PCDHGB2: variants seen among roughly 807,000 people sequenced by gnomAD.
The protein encoded by PCDHGB2 is protocadherin gamma-B2.
In PCDHGB2, 55 loss-of-function variants were observed where a neutral mutation model predicts 59.3. That is an observed-to-expected ratio of 0.93 (90% confidence interval 0.75 to 1.16). The LOEUF is 1.16. Among genes scored for constraint, PCDHGB2 ranks in the 50% most tolerant of loss-of-function variants. The pLI is 0.00. For synonymous variants in PCDHGB2, 516 were observed against 512.0 expected, an observed-to-expected ratio of 1.01 and a Z score of -0.11; for missense variants, 1,228 against 1,198.5, an observed-to-expected ratio of 1.02 and a Z score of -0.36.
chr5:141,365,142 A>T (rs1168867612), intron 1 of PCDHGB2: 2 of 1,613,832 alleles, frequency 1.2e-6, no homozygotes, highest in Non-Finnish European at 1.7e-6. Flanking sequence ...GATCCAGATG[A>T]GGGAATAAAC....
intron 1 of PCDHGB2, chr5:141,371,702 GACC>G (rs768822916): frequency 1.1e-5 from 18 of 1,613,922 alleles, no homozygotes; most frequent in Non-Finnish European, 1.7e-6. Context: ...CCTCCAGCAA[GACC>G]ATCACTCTGC....
intron 2 of PCDHGB2, among the ~76,000 whole-genome samples, chr5:141,499,983 C>T (rs765029745): frequency 5.3e-5 from 8 of 151,352 alleles, no homozygotes; most frequent in African/African-American, 9.7e-5. Context: ...CCACCTTGCC[C>T]GGCCAGATGA....
chr5:141,511,728 A>C lies in PCDHGB2; in HGVS notation c.*555A>C, dbSNP rs904031366. 2.2e-5 allele frequency: 4 copies of C among 177,940 alleles called. No homozygotes were observed. The highest frequency in any genetic ancestry group is 7.0e-5 in the African/African-American group (3 of 42,626). 11.0% of individuals were successfully genotyped at this position (177,940 alleles called of 1,614,324 possible). ...TCACCTCCTTCCAGAGCCCAAGATC[A>C]ATGCTCAAGTTTTGGAGGACATGAT... On this transcript the variant is annotated 3_prime_UTR_variant, in exon 4 of 4. Coordinates refer to ENST00000522605, the MANE Select transcript of PCDHGB2 (RefSeq NM_018923.3).
intron 1 of PCDHGB2, chr5:141,370,655 C>A: frequency 6.2e-7 from 1 of 1,613,826 alleles, no homozygotes; most frequent in Non-Finnish European, 8.5e-7. Context: ...TACTTGTGAG[C>A]GACCGTATAG....
intron 1 of PCDHGB2, among the ~76,000 whole-genome samples, chr5:141,397,091 A>G (rs1162135708): frequency 1.3e-5 from 2 of 152,264 alleles, no homozygotes; most frequent in Non-Finnish European, 2.9e-5. Flanking sequence ...CATTTCAGAT[A>G]GGATAATAAT....
At chr5:141,437,896 C>T (rs943440712) in intron 1 of PCDHGB2, among the ~76,000 whole-genome samples, 2 of 152,128 alleles carry the variant, frequency 1.3e-5, no homozygotes, top group African/African-American at 4.8e-5. Flanking sequence ...CGCCACCACA[C>T]CCAGCTAATT....
Position 141,510,968 on chromosome 5 carries a change from C to A in PCDHGB2, c.2591C>A (p.Thr864Asn). 1 of 1,614,150 alleles carries A rather than the reference C, an allele frequency of 6.2e-7. No individual in the cohort carries two copies. The highest frequency in any genetic ancestry group is 8.5e-7 in the Non-Finnish European group (1 of 1,180,014). The change falls in exon 4 of 4, where the codon ACC becomes AAC. Residue 864 changes from threonine (T) to asparagine (N), a missense_variant. Transcript: ENST00000522605. ...SASEAADGSS[T>N]LGGGAGTMGL... ...GCAGAAGCTGCTGATGGGAGCTCCA[C>A]CCTGGGAGGGGGTGCCGGCACCATG...
chr5:141,394,380 G>A (rs867131974), intron 1 of PCDHGB2: 2 of 1,614,196 alleles, frequency 1.2e-6, no homozygotes, highest in Non-Finnish European at 1.7e-6. Context: ...TTTCGACTAT[G>A]AGCAGATCCG....
chr5:141,375,944 C>G (rs1365248346), intron 1 of PCDHGB2: 6 of 1,613,500 alleles, frequency 3.7e-6, no homozygotes, highest in Non-Finnish European at 5.1e-6. Flanking sequence ...CTCAGTGGGC[C>G]TGCACACGGG....
intron 1 of PCDHGB2, among the ~76,000 whole-genome samples, chr5:141,494,034 A>T (rs1206242414): frequency 1.3e-5 from 2 of 152,162 alleles, no homozygotes; most frequent in Non-Finnish European, 2.9e-5. Flanking sequence ...CTGGAGACTT[A>T]GTTGGCCCTG....
chr5:141,374,354 G>C, intron 1 of PCDHGB2: 1 of 1,614,036 alleles, frequency 6.2e-7, no homozygotes, highest in East Asian at 2.2e-5. Context: ...GGGTAGGATA[G>C]ACCGCGAGGA....
intron 1 of PCDHGB2, chr5:141,427,050 G>A (rs974721070): frequency 4.4e-6 from 2 of 457,372 alleles, no homozygotes; most frequent in Non-Finnish European, 4.4e-6. Flanking sequence ...TGTGCCCCCA[G>A]GCACCTCTGT....
chr5:141,383,004 G>A, intron 1 of PCDHGB2: 1 of 1,613,698 alleles, frequency 6.2e-7, no homozygotes, highest in Non-Finnish European at 8.5e-7. Flanking sequence ...TCTACTCCGT[G>A]TCGGAGGAGA....
In PCDHGB2 at chr5:141,494,634, T is replaced by C. The variant is rs917243803; in HGVS notation, c.2422-173T>C. The C allele has an allele frequency of 1.1e-5, 10 of 889,216 alleles. No individual in the cohort carries two copies. In the African/African-American group the frequency reaches 1.8e-4, roughly 16 times the overall value. 55.1% of individuals were successfully genotyped at this position (889,216 alleles called of 1,614,324 possible). A position where few individuals can be genotyped will look rare whatever the true frequency, so the allele number is the denominator to read the frequency against. On this transcript the variant is annotated intron_variant, in intron 1 of 3. Coordinates refer to ENST00000522605, the MANE Select transcript of PCDHGB2 (RefSeq NM_018923.3). ...CTTGGTTTCTGGTACCTCAGACCTC[T>C]GAGACCTGAGGTGTATTTTGTCTTT...
Position 141,493,876 on chromosome 5 carries a change from G to T in PCDHGB2, c.2422-931G>T, listed in dbSNP as rs2099750541. 6.6e-6 allele frequency among the ~76,000 whole-genome samples: 1 copy of T among 152,194 alleles called. No homozygotes were observed. ...CAGCCCACCCCAGAACCAGTGAGGA[G>T]GTGGCTCTAGGAGTGCTCCATGAGA... On this transcript the variant is annotated intron_variant, in intron 1 of 3. Transcript: ENST00000522605. The surrounding 1 kb of genome is among the most constrained non-coding windows in gnomAD (Gnocchi z 4.3).
At chr5:141,453,319 G>T (rs2098762311) in intron 1 of PCDHGB2, among the ~76,000 whole-genome samples, 1 of 151,492 alleles carries the variant, frequency 6.6e-6, no homozygotes, top group Admixed American at 6.6e-5. Flanking sequence ...TTATTTTAGA[G>T]ATGGGGTCTC....
In PCDHGB2 at chr5:141,362,348, G is replaced by A. The variant is rs761668802; in HGVS notation, c.2213G>A (p.Gly738Glu). The A allele has an allele frequency of 1.1e-5, 18 of 1,613,904 alleles. No individual in the cohort carries two copies. Among genetic ancestry groups the A allele is most frequent in the Admixed American group, 1.7e-5 (1 of 60,006 alleles). ...GGTCTCAGCTCCAAGCCTGGACCTG[G>A]GGTTCTCCCCAATTACAGTGAGGGT... is the stretch of plus-strand genomic sequence containing the variant. ...QPGLSSKPGP[G>E]VLPNYSEGTL... is the part of the protein sequence containing the mutation. The change falls in exon 1 of 4, where the codon GGG becomes GAG. Residue 738 changes from glycine to glutamate, a missense_variant. Gly to Glu is a moderately conservative substitution (Grantham distance 98, BLOSUM62 -2). Transcript: ENST00000522605.
intron 3 of PCDHGB2, among the ~76,000 whole-genome samples, chr5:141,507,571 G>A (rs2099861692): frequency 6.6e-6 from 1 of 152,254 alleles, no homozygotes; most frequent in Non-Finnish European, 1.5e-5. Flanking sequence ...TGGGTCTGAG[G>A]AGATGCCAAG....
chr5:141,479,572 T>G (rs956648090), intron 1 of PCDHGB2: 2 of 152,190 alleles, frequency 1.3e-5, no homozygotes, highest in African/African-American at 2.4e-5. Context: ...TGGGATGACA[T>G]CTGTGAATAG....
Sources: gnomAD v4.1 joint callset for allele counts (sites outside exome capture counted in the v4.1 genomes callset) on GRCh38, gnomAD v4.1.1 for gene constraint, Gnocchi (gnomAD v3.1) non-coding constraint, MANE v1.5 for transcripts, NCBI Gene and HGNC (gene_info 2026-07-23, HGNC 2026-07-21) for gene names.